Variants in SDK1 observed in about 807,000 individuals in gnomAD.
The protein encoded by SDK1 is protein sidekick-1.
A neutral mutation model predicts 245.5 loss-of-function variants in SDK1; 157 were observed. The observed-to-expected ratio is 0.64, with a 90% CI of 0.56 to 0.73. The LOEUF is 0.73. Ranked by LOEUF, SDK1 falls within the 30% of genes least tolerant of loss-of-function variation. The pLI, the probability that SDK1 is intolerant of heterozygous loss-of-function variation, is 0.00. For synonymous variants in SDK1, 1,647 were observed against 1,278.5 expected, an observed-to-expected ratio of 1.29 and a Z score of -6.15; for missense variants, 3,583 against 3,002.3, an observed-to-expected ratio of 1.19 and a Z score of -4.52.
intron 4 of SDK1, among the ~76,000 whole-genome samples, chr7:3,815,878 A>G (rs1779496062): frequency 6.7e-6 from 1 of 148,396 alleles, no homozygotes; most frequent in African/African-American, 2.6e-5. Flanking sequence ...AAAACAACAG[A>G]AATTATAACA....
At chr7:4,057,261 C>T (rs1779262590) in intron 19 of SDK1, among the ~76,000 whole-genome samples, 2 of 152,170 alleles carry the variant, frequency 1.3e-5, no homozygotes, top group South Asian at 4.1e-4. Context: ...TTGGCTTGCT[C>T]AGCCTCCCCC....
intron 38 of SDK1, among the ~76,000 whole-genome samples, chr7:4,212,699 G>A (rs1784571231): frequency 6.6e-6 from 1 of 152,204 alleles, no homozygotes; most frequent in Non-Finnish European, 1.5e-5. Context: ...AAACAGTAGA[G>A]AATTTTGGAG....
At chr7:4,110,811 C>A (rs778240291) in intron 23 of SDK1, 39 bp downstream of exon 23, 3 of 1,440,808 alleles carry the variant, frequency 2.1e-6, no homozygotes, top group Non-Finnish European at 2.9e-6. Context: ...GGAGGAAACA[C>A]TGGCAGCCCA....
intron 4 of SDK1, among the ~76,000 whole-genome samples, chr7:3,765,448 A>G (rs1268598910): frequency 6.6e-6 from 1 of 152,158 alleles, no homozygotes; most frequent in African/African-American, 2.4e-5. Context: ...TTTATGTCTG[A>G]CTTCCTTGGC....
At chr7:3,858,299 C>G (rs1007669234) in intron 5 of SDK1, among the ~76,000 whole-genome samples, 1 of 152,024 alleles carries the variant, frequency 6.6e-6, no homozygotes, top group East Asian at 1.9e-4. Flanking sequence ...TGCCTGTAAT[C>G]CCAGCTACTC....
intron 14 of SDK1, 62 bp from the exon 15 acceptor site, chr7:4,010,904 A>C: frequency 1.3e-6 from 2 of 1,556,512 alleles, no homozygotes; most frequent in Non-Finnish European, 1.8e-6. Context: ...CTTTGCATTC[A>C]CCTCTTATTA....
At chr7:3,886,361 C>T (rs1025804772) in intron 5 of SDK1, among the ~76,000 whole-genome samples, 10 of 152,232 alleles carry the variant, frequency 6.6e-5, no homozygotes, top group East Asian at 3.8e-4. Flanking sequence ...ATGCGCTGTA[C>T]GGCTGTAGAG....
At chr7:4,224,638 A>G (rs976041689) in intron 40 of SDK1, among the ~76,000 whole-genome samples, 3 of 152,092 alleles carry the variant, frequency 2.0e-5, no homozygotes, top group Non-Finnish European at 4.4e-5. Context: ...TTTAGTTTAT[A>G]TATCTACAAC....
chr7:4,255,914 CTTTTTTTTTTTT>C (rs34810935), intron 44 of SDK1, among the ~76,000 whole-genome samples: 1 of 104,102 alleles, frequency 9.6e-6, no homozygotes, highest in Non-Finnish European at 1.8e-5. Context: ...TTTCCAAATA[CTTTTTTTTTTTT>C]TTTTTTTTTT....
At chr7:3,405,449 A>T (rs1254005890) in intron 1 of SDK1, among the ~76,000 whole-genome samples, 1 of 152,180 alleles carries the variant, frequency 6.6e-6, no homozygotes, top group Non-Finnish European at 1.5e-5. Flanking sequence ...TATTCTGAAT[A>T]TAGTATGCCA....
At chr7:4,101,260 GC>G (rs1465513229) in intron 22 of SDK1, among the ~76,000 whole-genome samples, 3 of 151,436 alleles carry the variant, frequency 2.0e-5, no homozygotes, top group African/African-American at 7.3e-5. Flanking sequence ...TCCTGCCTCA[GC>G]CTCCTGAATA....
chr7:4,161,661 G>C (rs1237956477), intron 31 of SDK1, 125 bp from the exon 32 acceptor site: 1 of 735,800 alleles, frequency 1.4e-6, no homozygotes, highest in African/African-American at 1.8e-5. Context: ...AGGAGAAGGG[G>C]ACCCCTGGAG....
At chr7:3,833,933 T>C (rs1232983246) in intron 5 of SDK1, among the ~76,000 whole-genome samples, 1 of 152,172 alleles carries the variant, frequency 6.6e-6, no homozygotes, top group Non-Finnish European at 1.5e-5. Context: ...TTAAGCCATG[T>C]TGCCCCCACT....
At chr7:3,987,448 G>A (rs1279308305) in intron 14 of SDK1, 126 bp downstream of exon 14, 11 of 1,024,354 alleles carry the variant, frequency 1.1e-5, no homozygotes, top group Non-Finnish European at 1.6e-5. Context: ...ATGCTTTACA[G>A]GGTTTCAAAC....
intron 1 of SDK1, among the ~76,000 whole-genome samples, chr7:3,302,720 A>G (rs1171140957): frequency 6.6e-6 from 1 of 152,010 alleles, no homozygotes; most frequent in Non-Finnish European, 1.5e-5. Context: ...CAACCCAGAA[A>G]TAACTATTTT....
intron 1 of SDK1, among the ~76,000 whole-genome samples, chr7:3,500,451 C>T (rs1435055512): frequency 6.6e-6 from 1 of 152,146 alleles, no homozygotes; most frequent in African/African-American, 2.4e-5. Flanking sequence ...ATTTTCCTCA[C>T]TTATTTGAAA....
intron 13 of SDK1, chr7:3,974,828 C>A: frequency 3.0e-6 from 1 of 333,462 alleles, no homozygotes; most frequent in Non-Finnish European, 5.6e-6. Flanking sequence ...ACACCTTATC[C>A]TGATAGGCCC....
intron 4 of SDK1, among the ~76,000 whole-genome samples, chr7:3,668,687 A>T (rs1051356120): frequency 1.1e-4 from 16 of 152,232 alleles, no homozygotes; most frequent in African/African-American, 2.9e-4. Context: ...CCTACTCGGG[A>T]GGCTGAGGCA....
chr7:3,894,260 C>T (rs1263675583), intron 5 of SDK1, among the ~76,000 whole-genome samples: 1 of 152,196 alleles, frequency 6.6e-6, no homozygotes, highest in Non-Finnish European at 1.5e-5. Context: ...AACTTAAGAA[C>T]AGTTTTAAAA....
Sources: allele counts gnomAD v4.1 joint callset (sites outside exome capture counted in the v4.1 genomes callset), GRCh38; gene constraint gnomAD v4.1.1; transcripts MANE v1.5; gene names NCBI Gene and HGNC (gene_info 2026-07-23, HGNC 2026-07-21).